Variants in CXCL17 observed in about 807,000 individuals in gnomAD.
CXCL17 encodes the protein C-X-C motif chemokine ligand 17.
In CXCL17, 9 loss-of-function variants were observed where a neutral mutation model predicts 15.5. The observed-to-expected ratio is 0.58, with a 90% CI of 0.35 to 1.01. The LOEUF is 1.01. Ranked by LOEUF, CXCL17 falls within the 50% of genes least tolerant of loss-of-function variation. CXCL17 has a pLI of 0.02. For missense variants in CXCL17, 133 were observed against 138.2 expected (o/e 0.96, Z 0.19); for synonymous variants, 52 against 52.3 (o/e 0.99, Z 0.02).
rs2040807764 is a variant in CXCL17 at position 42,433,818 on chromosome 19, T to G, written c.118A>C (p.Arg40=). ...TGGCCGCCTTCCTGGAGCCATCTCC[T>G]AGAAGCCTGGCCTCGGTCCCTGTGG... The part of the protein sequence containing the change: ...RGHRDRGQAS[R]RWLQEGGQEC... Residue 40 remains arginine, a synonymous_variant, in exon 2 of 4, where the codon AGG becomes CGG. Coordinates refer to ENST00000601181, the MANE Select transcript of CXCL17 (RefSeq NM_198477.3). 6 of 1,613,964 alleles carry G rather than the reference T, an allele frequency of 3.7e-6. No individual in the cohort carries two copies. The highest frequency in any genetic ancestry group is 1.7e-5 in the Admixed American group (1 of 60,004).
chr19:42,430,594 CAA>C (rs537870150), intron 3 of CXCL17, among the ~76,000 whole-genome samples: 20 of 85,168 alleles, frequency 2.3e-4, no homozygotes, highest in Admixed American at 4.1e-4. Flanking sequence ...AACTCCATCT[CAA>C]AAAAAAAAAA....
Position 42,428,415 on chromosome 19 carries a change from GAC to G in CXCL17, c.*467_*468del, listed in dbSNP as rs912776929. On this transcript the variant is annotated 3_prime_UTR_variant, in exon 4 of 4. Transcript: ENST00000601181. The stretch of plus-strand genomic sequence containing the variant: ...AAAGATGAACAAGTAGGCCAATGGA[GAC>G]AGAGTGAGGGTCTTGGTGGGGATAA... 3 of 152,314 alleles carry G rather than the reference GAC, an allele frequency of 2.0e-5. No homozygotes were observed. The highest frequency in any genetic ancestry group is 2.0e-4 in the Admixed American group (3 of 15,276). The allele number at this position is 152,314 out of a possible 1,614,324, so 9.4% of individuals were successfully genotyped here.
In CXCL17 at chr19:42,432,918, C is replaced by T. The variant is rs2040797463; in HGVS notation, c.262+58G>A. 5 of 1,282,238 alleles carry T rather than the reference C, an allele frequency of 3.9e-6. No homozygotes were observed. The Admixed American group carries it at 5.2e-5, about 13-fold the overall frequency. 79.4% of individuals were successfully genotyped at this position (1,282,238 alleles called of 1,614,324 possible). On this transcript the variant is annotated intron_variant, in intron 3 of 3. Transcript: ENST00000601181. The stretch of plus-strand genomic sequence containing the variant: ...TTTTTCTATTCTCAACGTGCTTCTT[C>T]CCTAGTGATTTCACGGAGTGACTCT...
chr19:42,434,781 A>G (rs755679748), intron 1 of CXCL17, among the ~76,000 whole-genome samples: 5 of 151,984 alleles, frequency 3.3e-5, no homozygotes, highest in Non-Finnish European at 5.9e-5. Flanking sequence ...AAACGATGGT[A>G]TTTACCTTTG....
chr19:42,434,577 C>T (rs1008875445), intron 1 of CXCL17, among the ~76,000 whole-genome samples: 3 of 152,048 alleles, frequency 2.0e-5, no homozygotes, highest in Non-Finnish European at 4.4e-5. Context: ...TTCAGGCATG[C>T]ACCACCACTC....
chr19:42,436,190 G>A (rs190748625), intron 1 of CXCL17, among the ~76,000 whole-genome samples: 21 of 149,176 alleles, frequency 1.4e-4, no homozygotes, highest in African/African-American at 5.4e-4. Context: ...TAAGTTGTTT[G>A]GAGAGGACCC....
chr19:42,428,837 C>T lies in CXCL17; in HGVS notation c.*47G>A, dbSNP rs1208274536. ...AGTGTCTGGTAGGTGTGCTCACTGT[C>T]TTCTTGGCTGAGAATGTTTAATTGG... On this transcript the variant is annotated 3_prime_UTR_variant, in exon 4 of 4. Transcript: ENST00000601181. 4.8e-6 allele frequency: 7 copies of T among 1,447,442 alleles called. No individual in the cohort carries two copies. Among genetic ancestry groups the T allele is most frequent in the Non-Finnish European group, 6.8e-6 (7 of 1,028,574 alleles). 89.7% of individuals were successfully genotyped at this position (1,447,442 alleles called of 1,614,324 possible). A position where few individuals can be genotyped will look rare whatever the true frequency, so the allele number is the denominator to read the frequency against.
intron 1 of CXCL17, among the ~76,000 whole-genome samples, chr19:42,441,888 TGCTATGGATAAA>T (rs2147706621): frequency 6.6e-6 from 1 of 152,350 alleles, no homozygotes; most frequent in African/African-American, 2.4e-5. Context: ...CAGCAGGGCT[TGCTATGGATAAA>T]GCTTCAAATA....
intron 1 of CXCL17, among the ~76,000 whole-genome samples, chr19:42,438,171 A>G (rs2147701018): frequency 6.6e-6 from 1 of 151,260 alleles, no homozygotes; most frequent in South Asian, 2.1e-4. Flanking sequence ...ATCCTGGCTA[A>G]CACGGTGAAA....
chr19:42,434,421 G>GT (rs2040813153), intron 1 of CXCL17, among the ~76,000 whole-genome samples: 1 of 151,960 alleles, frequency 6.6e-6, no homozygotes. Flanking sequence ...AAGTTGCTGG[G>GT]TTTTTTGTTT....
At chr19:42,432,869 T>A in intron 3 of CXCL17, 107 bp downstream of exon 3, 1 of 802,686 alleles carries the variant, frequency 1.2e-6, no homozygotes. Context: ...GTTGTGTGCT[T>A]ATCCTGGTCT....
In CXCL17 at chr19:42,433,871, C is replaced by A. The variant is rs1600160111; in HGVS notation, c.80-15G>T. The A allele has an allele frequency of 7.5e-6, 12 of 1,606,672 alleles. No individual in the cohort carries two copies. The highest frequency in any genetic ancestry group is 9.4e-6 in the Non-Finnish European group (11 of 1,173,506). On this transcript the variant is annotated splice_polypyrimidine_tract_variant and intron_variant, in intron 1 of 3. Coordinates refer to ENST00000601181, the MANE Select transcript of CXCL17 (RefSeq NM_198477.3). ...TCTGGCGACCCCTGTCGGAAGGAAA[C>A]AGGTCACATCCAGACACTGGAAAGG...
At chr19:42,433,684 G>T in intron 2 of CXCL17, 92 bp downstream of exon 2, 1 of 1,064,092 alleles carries the variant, frequency 9.4e-7, no homozygotes, top group East Asian at 2.4e-5. Flanking sequence ...GAGGTCAGCT[G>T]AGATAACATC....
At chr19:42,433,706 CAG>C in intron 2 of CXCL17, 68 bp downstream of exon 2, 2 of 1,336,772 alleles carry the variant, frequency 1.5e-6, no homozygotes, top group Non-Finnish European at 2.1e-6. Flanking sequence ...GCATTGGTCT[CAG>C]AGGGGCCCAA....
chr19:42,434,601 T>A (rs911491439), intron 1 of CXCL17, among the ~76,000 whole-genome samples: 3 of 151,990 alleles, frequency 2.0e-5, no homozygotes, highest in Non-Finnish European at 2.9e-5. Context: ...GCTAGTTTTT[T>A]GTATTTTTTG....
intron 1 of CXCL17, among the ~76,000 whole-genome samples, chr19:42,438,405 TAAA>T (rs200386323): frequency 1.5e-5 from 1 of 66,878 alleles, no homozygotes; most frequent in African/African-American, 6.3e-5. Context: ...TATATATATA[TAAA>T]ATACACACAC....
intron 3 of CXCL17, among the ~76,000 whole-genome samples, chr19:42,432,440 C>A (rs909253179): frequency 6.6e-6 from 1 of 152,034 alleles, no homozygotes; most frequent in African/African-American, 2.4e-5. Context: ...CCACTGTGCC[C>A]GGCTGCCAAT....
At chr19:42,439,737 T>C (rs748727926) in intron 1 of CXCL17, among the ~76,000 whole-genome samples, 1 of 152,186 alleles carries the variant, frequency 6.6e-6, no homozygotes, top group Non-Finnish European at 1.5e-5. Context: ...CAAACCCATA[T>C]TCAGGGGGCA....
At position 42,437,222 on chromosome 19, in the gene CXCL17, A is replaced by T. The variant is rs148513841; in HGVS notation, c.80-3366T>A. Among the ~76,000 whole-genome samples, 577 of 152,194 alleles carry T rather than the reference A, an allele frequency of 3.8e-3. 1 individual carries two copies. The highest frequency in any genetic ancestry group is 0.01 in the South Asian group (50 of 4,820). ...AAAGCGTTGGGATTATAGGCATGAG[A>T]TGCTATGCCTGGCCACTTTATACTT... On this transcript the variant is annotated intron_variant, in intron 1 of 3. Transcript: ENST00000601181.
Sources: allele counts gnomAD v4.1 joint callset (sites outside exome capture counted in the v4.1 genomes callset), GRCh38; gene constraint gnomAD v4.1.1; transcripts MANE v1.5; gene names NCBI Gene and HGNC (gene_info 2026-07-23, HGNC 2026-07-21).